ALK: variants seen among roughly 807,000 people sequenced by gnomAD.
ALK encodes ALK tyrosine kinase receptor.
Under a neutral mutation model 163.1 loss-of-function variants are expected in ALK, and 74 were observed. That is an observed-to-expected ratio of 0.45 (90% CI 0.38 to 0.55). The LOEUF is 0.55. ALK is among the 20% of genes least tolerant of loss of function. The pLI is 0.00. For missense variants in ALK, 2,063 were observed against 2,105.3 expected (o/e 0.98, Z 0.39); for synonymous variants, 960 against 843.2 (o/e 1.14, Z -2.40).
At chr2:29,709,456 T>C (rs556069914) in intron 2 of ALK, among the ~76,000 whole-genome samples, 42 of 152,290 alleles carry the variant, frequency 2.8e-4, no homozygotes, top group African/African-American at 9.6e-4. Flanking sequence ...ATTACTTCTA[T>C]TGAGTACACA....
chr2:29,245,930 C>T (rs749919345), intron 12 of ALK, among the ~76,000 whole-genome samples: 30 of 152,240 alleles, frequency 2.0e-4, no homozygotes, highest in Admixed American at 4.6e-4. Context: ...CGGCTGCACA[C>T]GCTGGTGCCC....
At chr2:29,536,375 C>T (rs563834783) in intron 3 of ALK, among the ~76,000 whole-genome samples, 15 of 151,890 alleles carry the variant, frequency 9.9e-5, no homozygotes, top group African/African-American at 3.4e-4. Flanking sequence ...TTCTCTCTCG[C>T]TCTCACTCTC....
chr2:29,586,172 T>C (rs1469436164), intron 3 of ALK, among the ~76,000 whole-genome samples: 1 of 152,140 alleles, frequency 6.6e-6, no homozygotes, highest in Non-Finnish European at 1.5e-5. Flanking sequence ...TTTATTAATC[T>C]TTTTTAAGTA....
intron 23 of ALK, among the ~76,000 whole-genome samples, chr2:29,220,355 G>A (rs534657410): frequency 3.9e-5 from 6 of 152,162 alleles, no homozygotes; most frequent in African/African-American, 1.4e-4. Context: ...GTTTCCTGAG[G>A]CCTCCCCAAC....
rs2148178895 is a variant in ALK at position 29,227,130 on chromosome 2, C to T, written c.2915-56G>A. 6.2e-7 allele frequency: 1 copy of T among 1,612,256 alleles called. No homozygotes were observed. The highest frequency in any genetic ancestry group is 8.5e-7 in the Non-Finnish European group (1 of 1,178,698). On this transcript the variant is annotated intron_variant, in intron 17 of 28. Coordinates refer to ENST00000389048, the MANE Select transcript of ALK (RefSeq NM_004304.5). The surrounding 1 kb of genome is among the most constrained non-coding windows in gnomAD (Gnocchi z 4.4). ...GCCGAGCCTGCCTCCCCACTCCCAGCCTCAGTACTATGTCTCCAGGTGGTC... is the reference window on the plus strand; with the variant it reads ...GCCGAGCCTGCCTCCCCACTCCCAGTCTCAGTACTATGTCTCCAGGTGGTC...
At chr2:29,832,417 G>T (rs1309936975) in intron 1 of ALK, among the ~76,000 whole-genome samples, 1 of 152,026 alleles carries the variant, frequency 6.6e-6, no homozygotes, top group Admixed American at 6.6e-5. Context: ...TTTCAAAGGG[G>T]CAAACCGATG....
intron 4 of ALK, among the ~76,000 whole-genome samples, chr2:29,466,180 C>T (rs1033139761): frequency 6.6e-6 from 1 of 152,186 alleles, no homozygotes; most frequent in Non-Finnish European, 1.5e-5. Flanking sequence ...GGCTTCTGGA[C>T]ATCATGTGGC....
At position 29,629,765 on chromosome 2, in the gene ALK, A is replaced by G. The variant is rs151048635; in HGVS notation, c.952+65085T>C. 3.5e-4 allele frequency among the ~76,000 whole-genome samples: 54 copies of G among 152,274 alleles called. 1 individual carries two copies. The highest frequency in any genetic ancestry group is 1.1e-3 in the African/African-American group (46 of 41,542). On this transcript the variant is annotated intron_variant, in intron 3 of 28. Transcript: ENST00000389048. ...GGCTAATCCTGACAGCAACCCTCTG[A>G]GGTACAGACAGTTATTAGTCTCATT...
chr2:29,214,167 A>AGGAG lies in ALK; in HGVS notation c.3646-90_3646-87dup. 3 of 1,159,650 alleles carry AGGAG rather than the reference A, an allele frequency of 2.6e-6. No individual in the cohort carries two copies. The Admixed American group carries it at 5.6e-5, about 22-fold the overall frequency. The allele number at this position is 1,159,650 out of a possible 1,614,324, so 71.8% of individuals were successfully genotyped here. A position where few individuals can be genotyped will look rare whatever the true frequency, so the allele number is the denominator to read the frequency against. On this transcript the variant is annotated intron_variant, in intron 23 of 28. Coordinates refer to ENST00000389048, the MANE Select transcript of ALK (RefSeq NM_004304.5). ...GAAATGCTGGCTTCCAGTGCTCACA[A>AGGAG]GGAGGCAGACCGTGAACATGCAGCT...
chr2:29,251,031 G>T, intron 12 of ALK, 74 bp downstream of exon 12: 1 of 1,501,828 alleles, frequency 6.7e-7, no homozygotes. Flanking sequence ...CCAGGAACAT[G>T]CACCCATAGG....
chr2:29,566,267 C>G (rs1320840954), intron 3 of ALK, among the ~76,000 whole-genome samples: 1 of 152,222 alleles, frequency 6.6e-6, no homozygotes, highest in Admixed American at 6.5e-5. Flanking sequence ...CAGGCTTAGT[C>G]TAGGCATCTT....
chr2:29,330,204 G>T (rs1262323506), intron 5 of ALK, among the ~76,000 whole-genome samples: 1 of 152,160 alleles, frequency 6.6e-6, no homozygotes, highest in Non-Finnish European at 1.5e-5. Flanking sequence ...CTGTGATCTG[G>T]GCCTAAGTTG....
chr2:29,378,996 A>T (rs2148298135), intron 5 of ALK, among the ~76,000 whole-genome samples: 1 of 152,222 alleles, frequency 6.6e-6, no homozygotes, highest in Middle Eastern at 3.4e-3. Context: ...TACAGGCATG[A>T]GCCACCACGC....
rs201125219 is a variant in ALK at position 29,586,504 on chromosome 2, T to C, written c.953-54388A>G. Reference sequence around the variant, plus strand: ...TAAATTTAACTACATTTAGTTAAAATCTAGAATTAATCTTGGTGTATTTTG... The same window carrying C: ...TAAATTTAACTACATTTAGTTAAAACCTAGAATTAATCTTGGTGTATTTTG... On this transcript the variant is annotated intron_variant, in intron 3 of 28. Coordinates refer to ENST00000389048, the MANE Select transcript of ALK (RefSeq NM_004304.5). Among the ~76,000 whole-genome samples, 15 of 152,324 alleles carry C rather than the reference T, an allele frequency of 9.8e-5. No homozygotes were observed. The East Asian group carries it at 2.9e-3, about 29-fold the overall frequency.
chr2:29,762,491 A>G (rs1021257470), intron 1 of ALK, among the ~76,000 whole-genome samples: 2 of 152,332 alleles, frequency 1.3e-5, no homozygotes, highest in East Asian at 3.9e-4. Flanking sequence ...TTGTGGAACA[A>G]CTTGTAGCCC....
rs539050669 is a variant in ALK at position 29,234,197 on chromosome 2, A to C, written c.2356-501T>G. On this transcript the variant is annotated intron_variant, in intron 13 of 28. Transcript: ENST00000389048. ...TCGATCCTGTGGGATGAAGAGATCC[A>C]AGAAAGAATGGGAAAGGTCCTATGT... Among the ~76,000 whole-genome samples the C allele has an allele frequency of 3.8e-4, 58 of 152,294 alleles. No individual in the cohort carries two copies. In the South Asian group the frequency reaches 0.012, roughly 31 times the overall value.
intron 5 of ALK, among the ~76,000 whole-genome samples, chr2:29,335,788 G>A (rs1254897846): frequency 6.6e-6 from 1 of 152,070 alleles, no homozygotes; most frequent in Non-Finnish European, 1.5e-5. Context: ...ACCTGTAATC[G>A]CAGCACTTTG....
intron 1 of ALK, among the ~76,000 whole-genome samples, chr2:29,774,696 A>G (rs1681122914): frequency 6.6e-6 from 1 of 152,230 alleles, no homozygotes; most frequent in South Asian, 2.1e-4. Context: ...AGGTAAAAAT[A>G]CAATGCCATG....
intron 3 of ALK, among the ~76,000 whole-genome samples, chr2:29,664,225 G>C (rs569859653): frequency 1.3e-5 from 2 of 152,146 alleles, no homozygotes; most frequent in Non-Finnish European, 2.9e-5. Context: ...ATGGTTCAGA[G>C]GGTTGATTTG....
Sources: allele counts gnomAD v4.1 joint callset (sites outside exome capture counted in the v4.1 genomes callset), GRCh38; gene constraint gnomAD v4.1.1; non-coding constraint Gnocchi (gnomAD v3.1); transcripts MANE v1.5; gene names NCBI Gene and HGNC (gene_info 2026-07-23, HGNC 2026-07-21).